The following LHFPL3 variants were observed in gnomAD, a reference collection of about 807,000 sequenced individuals.
LHFPL3 encodes LHFPL tetraspan subfamily member 3 protein.
LHFPL3 carries 5 observed loss-of-function variants against 19.3 expected under a neutral mutation model. The ratio of observed to expected loss-of-function variants is 0.26; its 90% CI spans 0.14 to 0.54. The LOEUF (loss-of-function observed/expected upper bound fraction) is 0.54, where lower values mean the gene tolerates loss of function less well. Among genes scored for constraint, LHFPL3 ranks in the 20% least tolerant of loss-of-function variants. The pLI is 0.94. For missense variants in LHFPL3, 249 were observed against 307.4 expected (o/e 0.81, Z 1.42); for synonymous variants, 133 against 126.2 (o/e 1.05, Z -0.36).
chr7:104,883,321 T>C (rs1792089824), intron 2 of LHFPL3, among the ~76,000 whole-genome samples: 1 of 152,212 alleles, frequency 6.6e-6, no homozygotes, highest in Non-Finnish European at 1.5e-5. Flanking sequence ...TAAAAACTGA[T>C]ATTAATAGTT....
intron 1 of LHFPL3, among the ~76,000 whole-genome samples, chr7:104,591,944 G>T (rs1184604863): frequency 6.6e-6 from 1 of 151,962 alleles, no homozygotes; most frequent in Admixed American, 6.6e-5. Context: ...TGTCATTCTC[G>T]TGCCACGGTT....
At chr7:104,474,217 A>T (rs1483849079) in intron 1 of LHFPL3, among the ~76,000 whole-genome samples, 1 of 152,214 alleles carries the variant, frequency 6.6e-6, no homozygotes, top group South Asian at 2.1e-4. Context: ...GAAGGCCCAC[A>T]TATAAGTCAT....
At chr7:104,804,076 A>C (rs1029074334) in intron 2 of LHFPL3, 6 of 152,212 alleles carry the variant, frequency 3.9e-5, no homozygotes, top group Non-Finnish European at 5.9e-5. Context: ...CAGAGGCAGC[A>C]GCTCCAGTTC....
intron 1 of LHFPL3, among the ~76,000 whole-genome samples, chr7:104,728,966 A>T (rs1049856179): frequency 5.3e-5 from 8 of 152,216 alleles, no homozygotes; most frequent in African/African-American, 1.9e-4. Context: ...ATTCAATGAA[A>T]TATAAAAAGA....
chr7:104,650,013 C>T (rs76983520), intron 1 of LHFPL3, among the ~76,000 whole-genome samples: 17,886 of 152,172 alleles, frequency 0.12, 1,169 homozygotes, highest in Non-Finnish European at 0.14. Context: ...GAAGCACTTC[C>T]CCAGTACAGG....
intron 2 of LHFPL3, among the ~76,000 whole-genome samples, chr7:104,902,415 AGAGGAGAAG>A: frequency 6.6e-6 from 1 of 150,992 alleles, no homozygotes; most frequent in Non-Finnish European, 1.5e-5. Context: ...AGGAGGAGGG[AGAGGAGAAG>A]GAGGAGGAGG....
intron 1 of LHFPL3, among the ~76,000 whole-genome samples, chr7:104,372,314 G>A (rs1790631936): frequency 6.6e-6 from 1 of 152,180 alleles, no homozygotes; most frequent in African/African-American, 2.4e-5. Context: ...ATGCAGGGTT[G>A]CAGTTTAAAA....
intron 1 of LHFPL3, among the ~76,000 whole-genome samples, chr7:104,672,670 G>A (rs1444429438): frequency 6.6e-6 from 1 of 152,100 alleles, no homozygotes; most frequent in African/African-American, 2.4e-5. Context: ...AGTATAATGA[G>A]GTATCTCAGC....
intron 1 of LHFPL3, among the ~76,000 whole-genome samples, chr7:104,466,117 T>C (rs1584339344): frequency 6.6e-6 from 1 of 152,198 alleles, no homozygotes; most frequent in African/African-American, 2.4e-5. Context: ...CTGAATATCT[T>C]TGTTAATTTT....
At chr7:104,841,397 A>G (rs188563272) in intron 2 of LHFPL3, among the ~76,000 whole-genome samples, 1 of 151,398 alleles carries the variant, frequency 6.6e-6, no homozygotes, top group Non-Finnish European at 1.5e-5. Context: ...AGGAGCATGG[A>G]TAAGGACATT....
At chr7:104,640,579 C>T (rs543806146) in intron 1 of LHFPL3, among the ~76,000 whole-genome samples, 1 of 152,246 alleles carries the variant, frequency 6.6e-6, no homozygotes, top group African/African-American at 2.4e-5. Context: ...CTGCAGTAAA[C>T]ACATGTGTGC....
intron 1 of LHFPL3, among the ~76,000 whole-genome samples, chr7:104,672,863 T>G (rs997513585): frequency 1.3e-5 from 2 of 151,918 alleles, no homozygotes; most frequent in African/African-American, 4.8e-5. Context: ...GCTGCCATGC[T>G]CTTGAAAGCA....
chr7:104,473,651 A>AT (rs1347439496), intron 1 of LHFPL3, among the ~76,000 whole-genome samples: 4 of 152,094 alleles, frequency 2.6e-5, no homozygotes, highest in Admixed American at 6.5e-5. Context: ...TCTGTGCCTC[A>AT]TTTTTCCTGG....
intron 1 of LHFPL3, among the ~76,000 whole-genome samples, chr7:104,695,430 G>T (rs545390400): frequency 6.6e-6 from 1 of 152,296 alleles, no homozygotes; most frequent in African/African-American, 2.4e-5. Context: ...TATCAAGAGG[G>T]TATATAACCT....
At chr7:104,747,651 C>G (rs1403102184) in intron 2 of LHFPL3, among the ~76,000 whole-genome samples, 1 of 152,166 alleles carries the variant, frequency 6.6e-6, no homozygotes, top group Non-Finnish European at 1.5e-5. Flanking sequence ...CCCCATTACT[C>G]AGAAACTCAT....
chr7:104,357,938 C>T (rs951136527), intron 1 of LHFPL3, among the ~76,000 whole-genome samples: 1 of 152,178 alleles, frequency 6.6e-6, no homozygotes, highest in Admixed American at 6.5e-5. Flanking sequence ...GTGCTGTACC[C>T]TAGTCTATTT....
chr7:104,370,129 A>G (rs879051940), intron 1 of LHFPL3, among the ~76,000 whole-genome samples: 3 of 152,326 alleles, frequency 2.0e-5, no homozygotes, highest in Admixed American at 1.3e-4. Context: ...GGATGGAGGA[A>G]CAAAGGAAGA....
At chr7:104,853,626 A>C (rs559864837) in intron 2 of LHFPL3, among the ~76,000 whole-genome samples, 1 of 152,356 alleles carries the variant, frequency 6.6e-6, no homozygotes, top group Admixed American at 6.5e-5. Flanking sequence ...TTTACTTAGA[A>C]TGACATTTAA....
chr7:104,645,245 C>T (rs1451787753), intron 1 of LHFPL3, among the ~76,000 whole-genome samples: 4 of 152,180 alleles, frequency 2.6e-5, no homozygotes, highest in Non-Finnish European at 5.9e-5. Context: ...TGCATTTCTC[C>T]AACTCTGTTT....
Sources: gnomAD v4.1 joint callset for allele counts (sites outside exome capture counted in the v4.1 genomes callset) on GRCh38, gnomAD v4.1.1 for gene constraint, MANE v1.5 for transcripts, NCBI Gene and HGNC (gene_info 2026-07-23, HGNC 2026-07-21) for gene names.